UBXN4: variants seen among roughly 807,000 people sequenced by gnomAD.
UBXN4 encodes UBX domain-containing protein 4.
A neutral mutation model predicts 66.2 loss-of-function variants in UBXN4; 35 were observed. That is an observed-to-expected ratio of 0.53 (90% CI 0.40 to 0.70). The LOEUF (loss-of-function observed/expected upper bound fraction) is 0.70. UBXN4 is among the 30% of genes least tolerant of loss of function. The pLI, the probability that UBXN4 is intolerant of heterozygous loss-of-function variation, is 0.00. For synonymous variants in UBXN4, 203 were observed against 204.5 expected, an observed-to-expected ratio of 0.99 and a Z score of 0.06; for missense variants, 533 against 599.8, an observed-to-expected ratio of 0.89 and a Z score of 1.16.
chr2:135,770,837 A>G, intron 8 of UBXN4, 102 bp downstream of exon 8: 1 of 1,120,696 alleles, frequency 8.9e-7, no homozygotes, highest in Non-Finnish European at 1.2e-6. Flanking sequence ...TTAGTGACTC[A>G]TAGACTACCA....
At chr2:135,779,878 ATTATAATATAT>A (rs2077439055) in intron 11 of UBXN4, among the ~76,000 whole-genome samples, 2 of 65,834 alleles carry the variant, frequency 3.0e-5, no homozygotes, top group African/African-American at 8.4e-5. Flanking sequence ...TAATTTTATA[ATTATAATATAT>A]TATATAAAAT....
At chr2:135,773,832 T>G (rs902390952) in intron 9 of UBXN4, among the ~76,000 whole-genome samples, 1 of 152,164 alleles carries the variant, frequency 6.6e-6, no homozygotes, top group African/African-American at 2.4e-5. Context: ...TTAACAAAAA[T>G]GTAAGATTTG....
chr2:135,778,117 C>T (rs1024061180), intron 10 of UBXN4, among the ~76,000 whole-genome samples: 3 of 146,664 alleles, frequency 2.0e-5, no homozygotes, highest in African/African-American at 5.1e-5. Flanking sequence ...GTGGAGCTTG[C>T]AGTGAGCCAA....
At chr2:135,746,316 C>T (rs754575392) in intron 1 of UBXN4, among the ~76,000 whole-genome samples, 1 of 152,150 alleles carries the variant, frequency 6.6e-6, no homozygotes, top group Non-Finnish European at 1.5e-5. Flanking sequence ...CCACAGAGTA[C>T]TTATTGGGTG....
rs977677245 is a variant in UBXN4 at position 135,779,909 on chromosome 2, A to G, written c.1186-274A>G. On this transcript the variant is annotated intron_variant, in intron 11 of 12. Transcript: ENST00000272638. ...ATATATTATATAAAATATAATATAT[A>G]TAATATATAAAATAATTGTATACTA... Among the ~76,000 whole-genome samples the G allele has an allele frequency of 2.9e-4, 43 of 146,100 alleles. 1 individual carries two copies. Among genetic ancestry groups the G allele is most frequent in the African/African-American group, 1.1e-3 (43 of 40,124 alleles).
At chr2:135,775,532 T>C (rs1265709715) in intron 9 of UBXN4, among the ~76,000 whole-genome samples, 1 of 152,080 alleles carries the variant, frequency 6.6e-6, no homozygotes, top group Admixed American at 6.6e-5. Context: ...AAAAAGCAAG[T>C]TACAAAGGTC....
At chr2:135,747,114 A>G (rs945026277) in intron 1 of UBXN4, among the ~76,000 whole-genome samples, 3 of 152,118 alleles carry the variant, frequency 2.0e-5, no homozygotes, top group African/African-American at 7.2e-5. Flanking sequence ...CCATAAACGA[A>G]TAACTGCAAT....
At chr2:135,760,121 T>G (rs1202029990) in intron 5 of UBXN4, among the ~76,000 whole-genome samples, 1 of 152,116 alleles carries the variant, frequency 6.6e-6, no homozygotes, top group Non-Finnish European at 1.5e-5. Flanking sequence ...ATAAGCTATT[T>G]CACACAATTT....
intron 5 of UBXN4, among the ~76,000 whole-genome samples, chr2:135,759,047 T>C (rs979349590): frequency 7.9e-5 from 12 of 152,344 alleles, no homozygotes; most frequent in African/African-American, 2.9e-4. Flanking sequence ...CGTAAGCCAC[T>C]GCGCCCAGCC....
At chr2:135,778,878 ATT>A (rs1239540253) in intron 10 of UBXN4, 68 bp from the exon 11 acceptor site, 2 of 1,419,846 alleles carry the variant, frequency 1.4e-6, no homozygotes, top group Non-Finnish European at 9.4e-7. Context: ...TTAAAGCATC[ATT>A]TTGGATTCAT....
intron 7 of UBXN4, among the ~76,000 whole-genome samples, 173 bp downstream of exon 7, chr2:135,769,996 T>C (rs1409919876): frequency 1.3e-5 from 2 of 152,180 alleles, no homozygotes; most frequent in East Asian, 3.8e-4. Context: ...ACATTTTTTG[T>C]GTTCTTTTCG....
At chr2:135,751,449 A>T (rs1161171238) in intron 2 of UBXN4, among the ~76,000 whole-genome samples, 1 of 151,810 alleles carries the variant, frequency 6.6e-6, no homozygotes, top group Non-Finnish European at 1.5e-5. Flanking sequence ...CGGCCTCCCA[A>T]AGTGCTGGGA....
At chr2:135,742,132 A>T in intron 1 of UBXN4, 121 bp downstream of exon 1, 1 of 1,183,490 alleles carries the variant, frequency 8.4e-7, no homozygotes. Context: ...GGCTCGCACA[A>T]TTGCCACTAC....
chr2:135,753,464 A>C (rs1575315463), intron 2 of UBXN4, 75 bp from the exon 3 acceptor site: 3 of 1,355,570 alleles, frequency 2.2e-6, no homozygotes, highest in East Asian at 2.8e-5. Flanking sequence ...TGGTACAGTA[A>C]ATTTTATTAA....
intron 2 of UBXN4, among the ~76,000 whole-genome samples, chr2:135,752,034 A>G (rs891978969): frequency 7.9e-6 from 1 of 125,822 alleles, no homozygotes; most frequent in Non-Finnish European, 1.6e-5. Flanking sequence ...ATTTTGACAT[A>G]CTTTTCTATA....
intron 6 of UBXN4, 137 bp from the exon 7 acceptor site, chr2:135,769,632 C>A: frequency 1.7e-6 from 1 of 584,016 alleles, no homozygotes; most frequent in Non-Finnish European, 2.7e-6. Flanking sequence ...TGAAGCCAGG[C>A]AGATAAATAG....
rs1313014774 is a variant in UBXN4 at position 135,782,961 on chromosome 2, G to T, written c.*74G>T. ...ATTCAACTAAAATTCTACTGGAGAA[G>T]TGGGACTGCTTTATATTTTCCAACT... is the stretch of plus-strand genomic sequence containing the variant. On this transcript the variant is annotated 3_prime_UTR_variant, in exon 13 of 13. Coordinates refer to ENST00000272638, the MANE Select transcript of UBXN4 (RefSeq NM_014607.4). 4 of 1,487,686 alleles carry T rather than the reference G, an allele frequency of 2.7e-6. No homozygotes were observed. Among genetic ancestry groups the T allele is most frequent in the Non-Finnish European group, 3.7e-6 (4 of 1,094,508 alleles). The allele number at this position is 1,487,686 out of a possible 1,614,324, so 92.2% of individuals were successfully genotyped here.
At chr2:135,761,485 TAGAC>T (rs2077315789) in intron 5 of UBXN4, among the ~76,000 whole-genome samples, 1 of 152,204 alleles carries the variant, frequency 6.6e-6, no homozygotes, top group Non-Finnish European at 1.5e-5. Context: ...GCTGCTGTGT[TAGAC>T]AGTATAGATA....
intron 5 of UBXN4, among the ~76,000 whole-genome samples, chr2:135,761,493 A>G (rs893561804): frequency 4.6e-5 from 7 of 152,190 alleles, no homozygotes; most frequent in East Asian, 3.8e-4. Context: ...GTTAGACAGT[A>G]TAGATATTGG....
Sources: allele counts gnomAD v4.1 joint callset (sites outside exome capture counted in the v4.1 genomes callset), GRCh38; gene constraint gnomAD v4.1.1; transcripts MANE v1.5; gene names NCBI Gene and HGNC (gene_info 2026-07-23, HGNC 2026-07-21).